BHMT2: variants seen among roughly 807,000 people sequenced by gnomAD.
The protein encoded by BHMT2 is betaine--homocysteine S-methyltransferase 2, also known as S-methylmethionine--homocysteine S-methyltransferase BHMT2.
BHMT2 carries 28 observed loss-of-function variants against 39.0 expected under a neutral mutation model. The observed-to-expected ratio is 0.72, with a 90% CI of 0.53 to 0.98. The LOEUF is 0.98. BHMT2 is among the 50% of genes least tolerant of loss of function. The pLI is 0.00. For missense variants in BHMT2, 410 were observed against 455.6 expected, an observed-to-expected ratio of 0.90 and a Z score of 0.91; for synonymous variants, 145 against 160.6, an observed-to-expected ratio of 0.90 and a Z score of 0.74.
At position 79,087,801 on chromosome 5, in the gene BHMT2, C is replaced by T. The variant is rs541770943; in HGVS notation, c.1011-692C>T. 3.6e-3 allele frequency among the ~76,000 whole-genome samples: 549 copies of T among 152,262 alleles called. 1 individual carries two copies. Among genetic ancestry groups the T allele is most frequent in the Non-Finnish European group, 5.9e-3 (399 of 68,016 alleles). On this transcript the variant is annotated intron_variant, in intron 7 of 7. Coordinates refer to ENST00000255192, the MANE Select transcript of BHMT2 (RefSeq NM_017614.5). ...GACTCATTACATTAAAAACTGTTCT[C>T]GTATTCTTCTCATTACATTAAAATA...
Position 79,083,540 on chromosome 5 carries a change from T to C in BHMT2, c.782-88T>C, listed in dbSNP as rs917494344. 3.3e-6 allele frequency: 5 copies of C among 1,523,904 alleles called. No homozygotes were observed. The Admixed American group carries it at 9.0e-5, about 27-fold the overall frequency. The allele number at this position is 1,523,904 out of a possible 1,614,324, so 94.4% of individuals were successfully genotyped here. A position where few individuals can be genotyped will look rare whatever the true frequency, so the allele number is the denominator to read the frequency against. On this transcript the variant is annotated intron_variant, in intron 6 of 7. Coordinates refer to ENST00000255192, the MANE Select transcript of BHMT2 (RefSeq NM_017614.5). The stretch of plus-strand genomic sequence containing the variant: ...GAATGCATCATCTAAAGTTTATAGT[T>C]TTTTTAATTGGAAAAACTGCTCATT...
chr5:79,086,111 GTGGCTTTT>G (rs1755888764), intron 7 of BHMT2, among the ~76,000 whole-genome samples: 1 of 152,220 alleles, frequency 6.6e-6, no homozygotes, highest in Non-Finnish European at 1.5e-5. Flanking sequence ...GCCTCAGACA[GTGGCTTTT>G]TCAACCAGGT....
chr5:79,074,084 C>T (rs1276061674), intron 1 of BHMT2, among the ~76,000 whole-genome samples: 2 of 152,178 alleles, frequency 1.3e-5, no homozygotes, highest in African/African-American at 4.8e-5. Flanking sequence ...GCCAACAGTT[C>T]AATAGTGGCT....
Position 79,083,389 on chromosome 5 carries a change from A to G in BHMT2, c.781+15A>G, listed in dbSNP as rs1310546353. 1.3e-6 allele frequency: 2 copies of G among 1,570,484 alleles called. No individual in the cohort carries two copies. Among genetic ancestry groups the G allele is most frequent in the Admixed American group, 4.0e-5 (2 of 50,082 alleles). On this transcript the variant is annotated intron_variant, in intron 6 of 7. Transcript: ENST00000255192. ...ATATCCCTTTGGTAAGCTCAGGTGC[A>G]TAGTAGAGGTCCTTGTATTTCTCGT...
intron 1 of BHMT2, among the ~76,000 whole-genome samples, chr5:79,073,565 A>C (rs1392429945): frequency 6.6e-6 from 1 of 152,182 alleles, no homozygotes; most frequent in Non-Finnish European, 1.5e-5. Context: ...TATATTTCAA[A>C]AGTACAAATT....
intron 1 of BHMT2, among the ~76,000 whole-genome samples, 199 bp downstream of exon 1, chr5:79,070,014 CAG>C (rs1345879543): frequency 6.6e-6 from 1 of 152,214 alleles, no homozygotes; most frequent in African/African-American, 2.4e-5. Flanking sequence ...TGGCGCTGCA[CAG>C]AGTGCTGTGC....
At chr5:79,081,955 C>T (rs1368681789) in intron 4 of BHMT2, among the ~76,000 whole-genome samples, 4 of 152,212 alleles carry the variant, frequency 2.6e-5, no homozygotes, top group Admixed American at 6.5e-5. Flanking sequence ...CCTGCCCACG[C>T]CTGGCCAACC....
chr5:79,085,598 T>C (rs1755878934), intron 7 of BHMT2, among the ~76,000 whole-genome samples: 1 of 152,152 alleles, frequency 6.6e-6, no homozygotes, highest in Non-Finnish European at 1.5e-5. Flanking sequence ...GGAGAATCGC[T>C]TGAATTCAGT....
intron 7 of BHMT2, 79 bp from the exon 8 acceptor site, chr5:79,088,414 A>G: frequency 3.2e-6 from 3 of 930,378 alleles, no homozygotes; most frequent in Non-Finnish European, 5.0e-6. Flanking sequence ...ATACATATAC[A>G]TACATATATA....
chr5:79,079,310 G>A (rs1755736590), intron 2 of BHMT2, 59 bp from the exon 3 acceptor site: 5 of 1,282,778 alleles, frequency 3.9e-6, no homozygotes, highest in Non-Finnish European at 5.6e-6. Flanking sequence ...GAAAATGATA[G>A]CTTCTGTAAT....
chr5:79,084,821 C>T (rs1037007309), intron 7 of BHMT2, among the ~76,000 whole-genome samples: 5 of 152,166 alleles, frequency 3.3e-5, no homozygotes, highest in Non-Finnish European at 7.3e-5. Context: ...ACATAGGCTT[C>T]CCCTTTTCCC....
At chr5:79,076,171 C>T (rs192756564) in intron 1 of BHMT2, among the ~76,000 whole-genome samples, 15 of 152,216 alleles carry the variant, frequency 9.9e-5, no homozygotes, top group East Asian at 1.9e-4. Flanking sequence ...AGTGGGAAGG[C>T]GGTCTTCCCC....
In BHMT2 at chr5:79,083,632, G is replaced by A. The variant is rs562820481; in HGVS notation, c.786G>A (p.Leu262=). 2.2e-5 allele frequency: 35 copies of A among 1,613,968 alleles called. No homozygotes were observed. The South Asian group carries it at 3.5e-4, about 16-fold the overall frequency. Residue 262 remains leucine, a synonymous_variant, in exon 7 of 8, where the codon CTG becomes CTA. Coordinates refer to ENST00000255192, the MANE Select transcript of BHMT2 (RefSeq NM_017614.5). ...FVDLPEYPFG[L]ESRVATRWDI... is the part of the protein sequence containing the mutation. Reference sequence around the variant, plus strand: ...CTGTTAACTATTGTGATTCAGGACTGGAGTCCAGAGTTGCCACCAGATGGG... The same window carrying A: ...CTGTTAACTATTGTGATTCAGGACTAGAGTCCAGAGTTGCCACCAGATGGG...
Position 79,079,412 on chromosome 5 carries a change from C to A in BHMT2, c.210C>A (p.Val70=). 6.2e-7 allele frequency: 1 copy of A among 1,613,960 alleles called. No homozygotes were observed. Among genetic ancestry groups the A allele is most frequent in the East Asian group, 2.2e-5 (1 of 44,872 alleles). Residue 70 remains valine, a synonymous_variant, in exon 3 of 8, where the codon GTC becomes GTA. Coordinates refer to ENST00000255192, the MANE Select transcript of BHMT2 (RefSeq NM_017614.5). ...HMEFLRAGSN[V]MQTFTFSASE... The stretch of plus-strand genomic sequence containing the variant: ...AATTCTTGAGAGCAGGATCAAATGT[C>A]ATGCAGACTTTTACCTTTTCTGCCA...
At chr5:79,079,776 A>G (rs1248550552) in intron 3 of BHMT2, among the ~76,000 whole-genome samples, 1 of 152,138 alleles carries the variant, frequency 6.6e-6, no homozygotes, top group African/African-American at 2.4e-5. Context: ...GGCGCCAGTA[A>G]TCCCAGCTAC....
Position 79,080,672 on chromosome 5 carries a change from G to A in BHMT2, c.259-15G>A. ...TGCTAGGCTCACTATCTGAACTCTT[G>A]CTCTCTAACCTCAGTGGGAAGATGT... On this transcript the variant is annotated splice_polypyrimidine_tract_variant and intron_variant, in intron 3 of 7. Coordinates refer to ENST00000255192, the MANE Select transcript of BHMT2 (RefSeq NM_017614.5). 1 of 1,564,440 alleles carries A rather than the reference G, an allele frequency of 6.4e-7. No homozygotes were observed. Among genetic ancestry groups the A allele is most frequent in the Non-Finnish European group, 8.6e-7 (1 of 1,164,510 alleles).
At chr5:79,082,032 T>C (rs1043204033) in intron 4 of BHMT2, among the ~76,000 whole-genome samples, 2 of 152,238 alleles carry the variant, frequency 1.3e-5, no homozygotes, top group African/African-American at 2.4e-5. Context: ...AGATGGATGA[T>C]GACACCACTC....
At chr5:79,073,920 A>G (rs560184071) in intron 1 of BHMT2, among the ~76,000 whole-genome samples, 2 of 152,318 alleles carry the variant, frequency 1.3e-5, no homozygotes, top group East Asian at 3.9e-4. Flanking sequence ...GATCTGGATA[A>G]GAACTAGCAT....
chr5:79,077,877 T>C, intron 2 of BHMT2: 1 of 273,476 alleles, frequency 3.7e-6, no homozygotes, highest in South Asian at 7.5e-5. Context: ...ATCCATGCAC[T>C]CACACCCCAA....
Sources: gnomAD v4.1 joint callset for allele counts (sites outside exome capture counted in the v4.1 genomes callset) on GRCh38, gnomAD v4.1.1 for gene constraint, MANE v1.5 for transcripts, NCBI Gene and HGNC (gene_info 2026-07-23, HGNC 2026-07-21) for gene names.